Variants in MCF2L2 observed in about 807,000 individuals in gnomAD.
MCF2L2 encodes the protein probable guanine nucleotide exchange factor MCF2L2.
A neutral mutation model predicts 150.2 loss-of-function variants in MCF2L2; 102 were observed. That is an observed-to-expected ratio of 0.68 (90% CI 0.58 to 0.80). MCF2L2 has a LOEUF of 0.80. Among genes scored for constraint, MCF2L2 ranks in the 30% least tolerant of loss-of-function variants. MCF2L2 has a pLI of 0.00. For missense variants in MCF2L2, 1,256 were observed against 1,372.8 expected (o/e 0.91, Z 1.34); for synonymous variants, 465 against 491.3 (o/e 0.95, Z 0.71).
intron 2 of MCF2L2, among the ~76,000 whole-genome samples, chr3:183,385,333 G>GCTCC (rs1314394981): frequency 2.0e-5 from 3 of 152,140 alleles, no homozygotes; most frequent in Non-Finnish European, 2.9e-5. Context: ...CAGGTCACTA[G>GCTCC]CTCCATATGT....
chr3:183,335,130 GAA>G (rs1560027050), intron 5 of MCF2L2, among the ~76,000 whole-genome samples: 2 of 86,306 alleles, frequency 2.3e-5, no homozygotes, highest in African/African-American at 2.1e-4. Flanking sequence ...AAAAAAAAAA[GAA>G]AAAGAAAAAA....
chr3:183,352,410 C>T (rs1382497524), intron 3 of MCF2L2, among the ~76,000 whole-genome samples: 1 of 152,192 alleles, frequency 6.6e-6, no homozygotes, highest in African/African-American at 2.4e-5. Context: ...GTAATCCCAG[C>T]TCCTCAGGCA....
chr3:183,322,240 AAAGT>A (rs1729841673), intron 6 of MCF2L2, among the ~76,000 whole-genome samples: 1 of 152,250 alleles, frequency 6.6e-6, no homozygotes, highest in Non-Finnish European at 1.5e-5. Flanking sequence ...TAGGTAGGAA[AAAGT>A]AAAATACTAT....
intron 2 of MCF2L2, among the ~76,000 whole-genome samples, chr3:183,389,382 A>G (rs184372969): frequency 1.6e-3 from 244 of 152,364 alleles, no homozygotes; most frequent in African/African-American, 5.7e-3. Context: ...ACATTGGAAG[A>G]ACATCATGGT....
At chr3:183,362,232 G>A (rs1383612577) in intron 3 of MCF2L2, among the ~76,000 whole-genome samples, 2 of 151,940 alleles carry the variant, frequency 1.3e-5, no homozygotes, top group Non-Finnish European at 2.9e-5. Flanking sequence ...AGCCTCCTGA[G>A]CAGCTGGGAC....
At chr3:183,294,634 T>TATATA (rs376615455) in intron 13 of MCF2L2, among the ~76,000 whole-genome samples, 4 of 93,328 alleles carry the variant, frequency 4.3e-5, no homozygotes, top group African/African-American at 1.6e-4. Context: ...TATATATATA[T>TATATA]TTTTTTTTTT....
At chr3:183,351,923 A>G (rs1184993366) in intron 3 of MCF2L2, among the ~76,000 whole-genome samples, 1 of 152,206 alleles carries the variant, frequency 6.6e-6, no homozygotes, top group Non-Finnish European at 1.5e-5. Flanking sequence ...TTAACATTCT[A>G]TGATTTACTG....
intron 13 of MCF2L2, among the ~76,000 whole-genome samples, chr3:183,289,895 C>G (rs1728025971): frequency 6.6e-6 from 1 of 152,136 alleles, no homozygotes; most frequent in Admixed American, 6.6e-5. Context: ...GGCCACTTTC[C>G]TCATGAAGTC....
chr3:183,351,189 A>AGTGT (rs1491416726), intron 3 of MCF2L2, among the ~76,000 whole-genome samples: 2 of 59,910 alleles, frequency 3.3e-5, no homozygotes, highest in African/African-American at 9.5e-5. Flanking sequence ...TATTTTCTTA[A>AGTGT]GTATATATAT....
chr3:183,399,389 G>A (rs961394989), intron 1 of MCF2L2, among the ~76,000 whole-genome samples: 1 of 152,154 alleles, frequency 6.6e-6, no homozygotes, highest in East Asian at 1.9e-4. Context: ...TTTCTGGCCT[G>A]TGATCCAAAG....
chr3:183,244,077 T>C (rs955388009), intron 15 of MCF2L2, among the ~76,000 whole-genome samples: 1 of 151,948 alleles, frequency 6.6e-6, no homozygotes, highest in Non-Finnish European at 1.5e-5. Context: ...TGAGCTGAGA[T>C]TGCGCCACTG....
chr3:183,377,111 G>C (rs1713232190), intron 3 of MCF2L2: 1 of 152,160 alleles, frequency 6.6e-6, no homozygotes, highest in Non-Finnish European at 1.5e-5. Flanking sequence ...TGCCACAGTG[G>C]TTTGCTGCAC....
At chr3:183,253,190 G>C (rs1234264849) in intron 15 of MCF2L2, 39 of 248 alleles carry the variant, frequency 0.16, no homozygotes, top group Admixed American at 0.4. Context: ...CCGTGACGCC[G>C]AGAGTGCGGG....
chr3:183,219,466 C>T (rs1723063815), intron 21 of MCF2L2, among the ~76,000 whole-genome samples: 1 of 152,130 alleles, frequency 6.6e-6, no homozygotes, highest in African/African-American at 2.4e-5. Flanking sequence ...AAAAAATTAG[C>T]TGTGCATGGT....
chr3:183,399,165 A>G (rs1173727797), intron 1 of MCF2L2, among the ~76,000 whole-genome samples: 2 of 152,242 alleles, frequency 1.3e-5, no homozygotes, highest in African/African-American at 4.8e-5. Context: ...AGTAGCAAAT[A>G]TATAATAGCC....
intron 13 of MCF2L2, among the ~76,000 whole-genome samples, chr3:183,295,000 T>C (rs1251231969): frequency 6.6e-6 from 1 of 152,092 alleles, no homozygotes; most frequent in Non-Finnish European, 1.5e-5. Context: ...TGACCTCAGA[T>C]AATCCACCCG....
At chr3:183,339,596 A>C (rs1292792459) in intron 4 of MCF2L2, among the ~76,000 whole-genome samples, 1 of 152,132 alleles carries the variant, frequency 6.6e-6, no homozygotes, top group Non-Finnish European at 1.5e-5. Flanking sequence ...TTCTTGATGT[A>C]TATTATTGCT....
chr3:183,313,257 A>T (rs1729460086), intron 7 of MCF2L2, among the ~76,000 whole-genome samples: 1 of 151,804 alleles, frequency 6.6e-6, no homozygotes, highest in African/African-American at 2.4e-5. Flanking sequence ...ACACACACAC[A>T]TATCCATATG....
intron 5 of MCF2L2, among the ~76,000 whole-genome samples, chr3:183,329,407 G>A (rs1301384571): frequency 2.0e-5 from 3 of 152,062 alleles, no homozygotes; most frequent in Non-Finnish European, 4.4e-5. Flanking sequence ...GGCTGGTCTC[G>A]AACTCCTGAC....
Sources: allele counts gnomAD v4.1 joint callset (sites outside exome capture counted in the v4.1 genomes callset), GRCh38; gene constraint gnomAD v4.1.1; transcripts MANE v1.5; gene names NCBI Gene and HGNC (gene_info 2026-07-23, HGNC 2026-07-21).